The following CNTNAP4 variants were observed in gnomAD, a reference collection of about 807,000 sequenced individuals.
CNTNAP4 encodes the protein contactin associated protein family member 4.
In CNTNAP4, 98 loss-of-function variants were observed where a neutral mutation model predicts 148.4. The ratio of observed to expected loss-of-function variants is 0.66; its 90% confidence interval spans 0.56 to 0.78. The LOEUF (loss-of-function observed/expected upper bound fraction) is 0.78. Ranked by LOEUF, CNTNAP4 falls within the 30% of genes least tolerant of loss-of-function variation. The pLI is 0.00. For missense variants in CNTNAP4, 1,935 were observed against 1,565.6 expected (o/e 1.24, Z -3.98); for synonymous variants, 730 against 565.1 (o/e 1.29, Z -4.14).
intron 21 of CNTNAP4, among the ~76,000 whole-genome samples, chr16:76,547,717 G>A (rs1393519857): frequency 6.6e-6 from 1 of 152,148 alleles, no homozygotes; most frequent in Non-Finnish European, 1.5e-5. Context: ...ATTTAGAGGC[G>A]ATGACCCATA....
intron 12 of CNTNAP4, among the ~76,000 whole-genome samples, chr16:76,487,086 C>T (rs1257654418): frequency 3.3e-5 from 5 of 152,158 alleles, no homozygotes; most frequent in Admixed American, 6.5e-5. Context: ...GATAACATCT[C>T]AGGGCCCAGC....
At chr16:76,487,333 G>A (rs1197504682) in intron 12 of CNTNAP4, among the ~76,000 whole-genome samples, 1 of 152,132 alleles carries the variant, frequency 6.6e-6, no homozygotes, top group Non-Finnish European at 1.5e-5. Flanking sequence ...CTGTGTGCTG[G>A]AGATATGATT....
rs866323543 is a variant in CNTNAP4 at position 76,397,328 on chromosome 16, T to C, written c.391-30124T>C. Among the ~76,000 whole-genome samples the C allele has an allele frequency of 5.3e-4, 80 of 152,112 alleles. 1 individual carries two copies. Among genetic ancestry groups the C allele is most frequent in the South Asian group, 6.2e-4 (3 of 4,822 alleles). On this transcript the variant is annotated intron_variant, in intron 3 of 23. Transcript: ENST00000611870. ...GGTATGACAGTCAGAAGAATGCTAG[T>C]GATCCCCGAGCTACCAATGTCAGGA...
At chr16:76,466,783 G>T (rs182947390) in intron 9 of CNTNAP4, among the ~76,000 whole-genome samples, 48 of 152,118 alleles carry the variant, frequency 3.2e-4, no homozygotes, top group African/African-American at 7.7e-4. Context: ...TTGATATTAA[G>T]CCATCAAGAC....
chr16:76,277,558 A>G lies in CNTNAP4; in HGVS notation c.-105A>G. The G allele has an allele frequency of 1.4e-6, 1 of 718,838 alleles. No individual in the cohort carries two copies. The highest frequency in any genetic ancestry group is 2.4e-6 in the Non-Finnish European group (1 of 409,138). The allele number at this position is 718,838 out of a possible 1,614,324, so 44.5% of individuals were successfully genotyped here. A position where few individuals can be genotyped will look rare whatever the true frequency, so the allele number is the denominator to read the frequency against. On this transcript the variant is annotated 5_prime_UTR_variant, in exon 1 of 24. Coordinates refer to ENST00000611870, the MANE Select transcript of CNTNAP4 (RefSeq NM_033401.5). ...AAGGGAGGGGGAGAGACAGAGACCTAGAGGGGCTGAAGACCCAGACAGAGC... is the reference window on the plus strand; with the variant it reads ...AAGGGAGGGGGAGAGACAGAGACCTGGAGGGGCTGAAGACCCAGACAGAGC...
intron 18 of CNTNAP4, among the ~76,000 whole-genome samples, chr16:76,537,812 A>T (rs912709720): frequency 6.6e-6 from 1 of 152,106 alleles, no homozygotes; most frequent in Admixed American, 6.5e-5. Flanking sequence ...AAATTTAAAT[A>T]AAAAAGTAGA....
intron 2 of CNTNAP4, among the ~76,000 whole-genome samples, chr16:76,348,436 G>A (rs12325501): frequency 0.19 from 28,148 of 151,820 alleles, 3,347 homozygotes; most frequent in East Asian, 0.46. Flanking sequence ...AGATCAACGG[G>A]GAGTGAATGC....
At chr16:76,295,844 G>C (rs189983800) in intron 1 of CNTNAP4, among the ~76,000 whole-genome samples, 1 of 152,206 alleles carries the variant, frequency 6.6e-6, no homozygotes, top group Admixed American at 6.5e-5. Context: ...TTGAAACAGA[G>C]TCTTGCTCTT....
intron 2 of CNTNAP4, among the ~76,000 whole-genome samples, chr16:76,347,137 T>TTG (rs56664519): frequency 0.11 from 16,234 of 149,252 alleles, 832 homozygotes; most frequent in African/African-American, 0.12. Flanking sequence ...AGGCAATTGG[T>TTG]TGTGTGTGTG....
chr16:76,446,588 G>C (rs2080257095), intron 4 of CNTNAP4, among the ~76,000 whole-genome samples: 1 of 152,034 alleles, frequency 6.6e-6, no homozygotes, highest in Non-Finnish European at 1.5e-5. Context: ...TCAGAAAGTT[G>C]AAAAAAACAT....
chr16:76,469,193 T>G (rs1053788369), intron 10 of CNTNAP4, among the ~76,000 whole-genome samples: 1 of 152,212 alleles, frequency 6.6e-6, no homozygotes, highest in East Asian at 1.9e-4. Flanking sequence ...AAATACTCAT[T>G]TATTTGTTTA....
chr16:76,401,959 G>T (rs529260080), intron 3 of CNTNAP4, among the ~76,000 whole-genome samples: 1 of 152,194 alleles, frequency 6.6e-6, no homozygotes, highest in East Asian at 1.9e-4. Context: ...TTTTGTTGAG[G>T]ATTTTTGTAT....
intron 17 of CNTNAP4, among the ~76,000 whole-genome samples, chr16:76,526,894 A>T (rs536323838): frequency 1.1e-4 from 17 of 151,890 alleles, no homozygotes; most frequent in African/African-American, 4.1e-4. Flanking sequence ...GGCTGGTCTC[A>T]AACTCCTGGG....
chr16:76,504,945 A>G (rs1345539284), intron 15 of CNTNAP4, among the ~76,000 whole-genome samples: 5 of 152,124 alleles, frequency 3.3e-5, no homozygotes, highest in Admixed American at 3.3e-4. Context: ...AATAATAATA[A>G]CAAAAAAACC....
chr16:76,289,687 C>T lies in CNTNAP4; in HGVS notation c.85+11940C>T, dbSNP rs1182679600. Among the ~76,000 whole-genome samples, 5 of 152,044 alleles carry T rather than the reference C, an allele frequency of 3.3e-5. No homozygotes were observed. The East Asian group carries it at 5.8e-4, about 18-fold the overall frequency. On this transcript the variant is annotated intron_variant, in intron 1 of 23. Transcript: ENST00000611870. Reference sequence around the variant, plus strand: ...TCCCAGGTTCAAGCAATTCTCCTTGCCTTAGTCTCCCATGTAGTGACTACA... The same window carrying T: ...TCCCAGGTTCAAGCAATTCTCCTTGTCTTAGTCTCCCATGTAGTGACTACA...
At chr16:76,359,844 T>C (rs17699214) in intron 3 of CNTNAP4, among the ~76,000 whole-genome samples, 20,080 of 152,194 alleles carry the variant, frequency 0.13, 2,034 homozygotes, top group East Asian at 0.48. Flanking sequence ...ACATAAGGTA[T>C]AATTTTCACT....
intron 1 of CNTNAP4, among the ~76,000 whole-genome samples, chr16:76,310,129 C>T (rs549164731): frequency 6.6e-6 from 1 of 152,082 alleles, no homozygotes; most frequent in South Asian, 2.1e-4. Flanking sequence ...TGCAGACTGG[C>T]CATTTGCCAT....
At chr16:76,449,076 C>T in intron 6 of CNTNAP4, 125 bp downstream of exon 6, 2 of 880,132 alleles carry the variant, frequency 2.3e-6, no homozygotes, top group African/African-American at 1.7e-5. Flanking sequence ...AAGCATTTCC[C>T]AAGGCAGTCT....
chr16:76,385,732 T>C (rs550254379), intron 3 of CNTNAP4, among the ~76,000 whole-genome samples: 6 of 152,272 alleles, frequency 3.9e-5, no homozygotes, highest in Admixed American at 1.3e-4. Context: ...GTAACCTTGT[T>C]TTACGTATGT....
Sources: gnomAD v4.1 joint callset for allele counts (sites outside exome capture counted in the v4.1 genomes callset) on GRCh38, gnomAD v4.1.1 for gene constraint, MANE v1.5 for transcripts, NCBI Gene and HGNC (gene_info 2026-07-23, HGNC 2026-07-21) for gene names.